FAM13A: variants seen among roughly 807,000 people sequenced by gnomAD.
FAM13A encodes the protein protein FAM13A.
A neutral mutation model predicts 129.6 loss-of-function variants in FAM13A; 76 were observed. The observed-to-expected ratio is 0.59, with a 90% CI of 0.49 to 0.71. The LOEUF (loss-of-function observed/expected upper bound fraction) is 0.71, where lower values mean the gene tolerates loss of function less well. Among genes scored for constraint, FAM13A ranks in the 30% least tolerant of loss-of-function variants. FAM13A has a pLI of 0.00. For synonymous variants in FAM13A, 443 were observed against 449.9 expected, an observed-to-expected ratio of 0.98 and a Z score of 0.20; for missense variants, 1,108 against 1,249.3, an observed-to-expected ratio of 0.89 and a Z score of 1.70.
chr4:88,863,333 C>T (rs1443355041), intron 6 of FAM13A, among the ~76,000 whole-genome samples: 2 of 80,470 alleles, frequency 2.5e-5, no homozygotes, highest in Non-Finnish European at 4.9e-5. Flanking sequence ...TTGGTGAATA[C>T]ATGGAGGTGC....
chr4:88,785,115 T>C (rs1723708411), intron 10 of FAM13A, among the ~76,000 whole-genome samples: 1 of 152,156 alleles, frequency 6.6e-6, no homozygotes, highest in African/African-American at 2.4e-5. Flanking sequence ...ACCCTTCTAC[T>C]CATCTTGAAA....
rs60961481 is a variant in FAM13A, at chr4:88,771,842, A to T, written c.1459-3783T>A. Among the ~76,000 whole-genome samples, 1,195 of 152,302 alleles carry T rather than the reference A, an allele frequency of 7.8e-3. 18 individuals carry two copies. The highest frequency in any genetic ancestry group is 0.027 in the African/African-American group (1,116 of 41,560). ...CACTACAACATAATTTATTTTGATAATTTTGGGGTGTCAGAGGAACTAAAT... is the reference window on the plus strand; with the variant it reads ...CACTACAACATAATTTATTTTGATATTTTTGGGGTGTCAGAGGAACTAAAT... On this transcript the variant is annotated intron_variant, in intron 11 of 23. Transcript: ENST00000264344.
intron 4 of FAM13A, among the ~76,000 whole-genome samples, chr4:88,974,808 TG>T (rs1254936950): frequency 2.0e-5 from 3 of 152,100 alleles, no homozygotes; most frequent in African/African-American, 7.2e-5. Context: ...TGCACTAAAA[TG>T]GGGAGAGTTC....
intron 6 of FAM13A, among the ~76,000 whole-genome samples, chr4:88,882,452 T>C (rs1743739410): frequency 6.6e-6 from 1 of 152,092 alleles, no homozygotes; most frequent in South Asian, 2.1e-4. Flanking sequence ...GACAATACAA[T>C]CTTTTTCAGA....
At chr4:88,955,680 C>G (rs1241698397) in intron 4 of FAM13A, among the ~76,000 whole-genome samples, 1 of 152,118 alleles carries the variant, frequency 6.6e-6, no homozygotes, top group Non-Finnish European at 1.5e-5. Context: ...AAAGTCCAGG[C>G]TGAGGTGGTC....
intron 4 of FAM13A, among the ~76,000 whole-genome samples, chr4:88,946,915 G>A (rs756858216): frequency 6.6e-6 from 1 of 152,044 alleles, no homozygotes; most frequent in Non-Finnish European, 1.5e-5. Context: ...AGAAATGCAA[G>A]ATCATATATA....
intron 4 of FAM13A, among the ~76,000 whole-genome samples, chr4:88,955,274 A>G (rs1205468839): frequency 6.6e-6 from 1 of 152,152 alleles, no homozygotes; most frequent in Non-Finnish European, 1.5e-5. Flanking sequence ...ACAACAGAGC[A>G]CCAGGGAAAA....
rs115878948 is a variant in FAM13A, at chr4:88,939,593, G to A, written c.606-1352C>T. ...AACCTACTAGACTATCTTGGGATAC[G>A]CACCCTAAGGTCTCCTACACTTGGG... On this transcript the variant is annotated intron_variant, in intron 4 of 23. Coordinates refer to ENST00000264344, the MANE Select transcript of FAM13A (RefSeq NM_014883.4). Among the ~76,000 whole-genome samples, 427 of 152,240 alleles carry A rather than the reference G, an allele frequency of 2.8e-3. 5 individuals carry two copies. The highest frequency in any genetic ancestry group is 9.6e-3 in the African/African-American group (400 of 41,534).
intron 8 of FAM13A, among the ~76,000 whole-genome samples, chr4:88,797,729 C>T (rs1195849157): frequency 6.6e-6 from 1 of 151,708 alleles, no homozygotes; most frequent in Non-Finnish European, 1.5e-5. Context: ...TTGTTTTTCC[C>T]TCCTCATTTC....
intron 7 of FAM13A, among the ~76,000 whole-genome samples, chr4:88,817,336 G>A (rs970549732): frequency 6.6e-6 from 1 of 152,176 alleles, no homozygotes; most frequent in Admixed American, 6.5e-5. Context: ...GCTGAGGCGG[G>A]TAGATCACTT....
chr4:88,860,183 G>A (rs1446789176), intron 6 of FAM13A, among the ~76,000 whole-genome samples: 1 of 152,100 alleles, frequency 6.6e-6, no homozygotes, highest in South Asian at 2.1e-4. Flanking sequence ...GTTCATCAAA[G>A]CACTAATCAA....
intron 3 of FAM13A, among the ~76,000 whole-genome samples, chr4:88,991,991 G>A (rs1215491487): frequency 6.6e-6 from 1 of 152,108 alleles, no homozygotes; most frequent in Non-Finnish European, 1.5e-5. Flanking sequence ...ACCTTAGCCT[G>A]CCTTCAGCAA....
Position 88,851,201 on chromosome 4 carries a change from G to T in FAM13A, c.844-18C>A. On this transcript the variant is annotated intron_variant, in intron 6 of 23. Coordinates refer to ENST00000264344, the MANE Select transcript of FAM13A (RefSeq NM_014883.4). ...TTTGGGATCTAGAAGAAAAAAAAAAGAGGGGTGGGGGAGAGCTAGATAAAT... is the reference window on the plus strand; with the variant it reads ...TTTGGGATCTAGAAGAAAAAAAAAATAGGGGTGGGGGAGAGCTAGATAAAT... 6.5e-7 allele frequency: 1 copy of T among 1,530,042 alleles called. No individual in the cohort carries two copies. The highest frequency in any genetic ancestry group is 2.3e-5 in the East Asian group (1 of 43,326). 94.8% of individuals were successfully genotyped at this position (1,530,042 alleles called of 1,614,324 possible). A position where few individuals can be genotyped will look rare whatever the true frequency, so the allele number is the denominator to read the frequency against.
At chr4:89,013,781 AG>A (rs1766069159) in intron 3 of FAM13A, among the ~76,000 whole-genome samples, 1 of 152,250 alleles carries the variant, frequency 6.6e-6, no homozygotes, top group South Asian at 2.1e-4. Flanking sequence ...GTTACTATAC[AG>A]CAAGTATAAC....
chr4:88,828,751 A>T (rs1287046002), intron 7 of FAM13A, among the ~76,000 whole-genome samples: 1 of 152,242 alleles, frequency 6.6e-6, no homozygotes, highest in East Asian at 1.9e-4. Context: ...GTAGGGCTAC[A>T]CATAAGATAA....
chr4:88,958,459 C>T (rs1484150132), intron 4 of FAM13A, among the ~76,000 whole-genome samples: 1 of 152,234 alleles, frequency 6.6e-6, no homozygotes, highest in East Asian at 1.9e-4. Context: ...AGCCATAGCT[C>T]AAAGGAGCCC....
intron 4 of FAM13A, among the ~76,000 whole-genome samples, chr4:88,989,341 C>T (rs1360198083): frequency 1.3e-5 from 2 of 152,270 alleles, no homozygotes; most frequent in East Asian, 3.9e-4. Flanking sequence ...GTGGCTCATG[C>T]CCGTAATCCC....
Position 88,727,423 on chromosome 4 carries a change from G to A in FAM13A, c.*1110C>T, listed in dbSNP as rs1240765610. The A allele has an allele frequency of 6.6e-6, 1 of 152,574 alleles. No individual in the cohort carries two copies. Among genetic ancestry groups the A allele is most frequent in the Non-Finnish European group, 1.5e-5 (1 of 68,042 alleles). 9.5% of individuals were successfully genotyped at this position (152,574 alleles called of 1,614,324 possible). ...AAAATTATAATTGGCCACACAGCAT[G>A]ACTTCTTTTTTTTCTTTTTATACAT... On this transcript the variant is annotated 3_prime_UTR_variant, in exon 24 of 24. Transcript: ENST00000264344.
chr4:89,025,556 G>A (rs902097398), intron 2 of FAM13A, among the ~76,000 whole-genome samples: 2 of 152,082 alleles, frequency 1.3e-5, no homozygotes, highest in African/African-American at 2.4e-5. Flanking sequence ...GAGCCACCGC[G>A]CCTGGCCGGA....
Sources: gnomAD v4.1 joint callset for allele counts (sites outside exome capture counted in the v4.1 genomes callset) on GRCh38, gnomAD v4.1.1 for gene constraint, MANE v1.5 for transcripts, NCBI Gene and HGNC (gene_info 2026-07-23, HGNC 2026-07-21) for gene names.